Variants in MAGI2 observed in about 807,000 individuals in gnomAD.
MAGI2 encodes the protein membrane-associated guanylate kinase, WW and PDZ domain-containing protein 2.
MAGI2 carries 35 observed loss-of-function variants against 133.3 expected under a neutral mutation model. That is an observed-to-expected ratio of 0.26 (90% CI 0.20 to 0.35). MAGI2 has a LOEUF of 0.35. MAGI2 is among the 10% of genes least tolerant of loss of function. The probability of loss-of-function intolerance (pLI) is 1.00; values close to 1 mark genes in which losing one functional copy is unlikely to be tolerated. For synonymous variants in MAGI2, 729 were observed against 710.6 expected (o/e 1.03, Z -0.41); for missense variants, 1,636 against 1,863.4 (o/e 0.88, Z 2.25).
intron 1 of MAGI2, among the ~76,000 whole-genome samples, chr7:79,363,074 A>G (rs1842462774): frequency 6.6e-6 from 1 of 151,706 alleles, no homozygotes; most frequent in South Asian, 2.1e-4. Flanking sequence ...AAAAACTCCA[A>G]GAACTGGTAC....
rs138271732 is a variant in MAGI2, at chr7:79,285,789, A to G, written c.301+167231T>C. Among the ~76,000 whole-genome samples the G allele has an allele frequency of 7.2e-4, 110 of 152,230 alleles. 2 individuals are homozygous for G. The East Asian group carries it at 0.02, about 28-fold the overall frequency. On this transcript the variant is annotated intron_variant, in intron 1 of 21. Coordinates refer to ENST00000354212, the MANE Select transcript of MAGI2 (RefSeq NM_012301.4). ...CTCTGAAAACTACTCTCTCCCAAAG[A>G]GAGGTTGTCTTTTGAGGTAGTTCTT...
chr7:78,570,093 ACCCAC>A (rs1801352888), intron 3 of MAGI2, among the ~76,000 whole-genome samples: 1 of 152,152 alleles, frequency 6.6e-6, no homozygotes, highest in Non-Finnish European at 1.5e-5. Context: ...GAGTTGCTAT[ACCCAC>A]TCTTGTACAC....
At chr7:78,392,823 A>G (rs1796017142) in intron 6 of MAGI2, among the ~76,000 whole-genome samples, 2 of 151,974 alleles carry the variant, frequency 1.3e-5, no homozygotes, top group African/African-American at 4.8e-5. Context: ...TTGTATTTTT[A>G]GTAGAGATGG....
chr7:78,952,454 C>A (rs571510676), intron 2 of MAGI2, among the ~76,000 whole-genome samples: 8 of 152,168 alleles, frequency 5.3e-5, no homozygotes, highest in African/African-American at 1.9e-4. Context: ...TTCATTAATT[C>A]ATTAATTCAT....
At chr7:79,045,841 G>A (rs1812127543) in intron 1 of MAGI2, among the ~76,000 whole-genome samples, 1 of 152,098 alleles carries the variant, frequency 6.6e-6, no homozygotes, top group African/African-American at 2.4e-5. Context: ...CAATGAAAGG[G>A]TAGCACAAGG....
chr7:78,332,795 A>T (rs1369141895), intron 9 of MAGI2, among the ~76,000 whole-genome samples: 3 of 152,068 alleles, frequency 2.0e-5, no homozygotes, highest in Non-Finnish European at 4.4e-5. Context: ...TCTGAGAGAT[A>T]CATTACTAGC....
chr7:78,649,070 T>C (rs1584958808), intron 2 of MAGI2, among the ~76,000 whole-genome samples: 1 of 151,888 alleles, frequency 6.6e-6, no homozygotes, highest in Admixed American at 6.6e-5. Flanking sequence ...AGCCGCAGCA[T>C]TCTGACTGGT....
At chr7:79,439,179 T>G (rs1848336946) in intron 1 of MAGI2, among the ~76,000 whole-genome samples, 1 of 152,118 alleles carries the variant, frequency 6.6e-6, no homozygotes, top group Non-Finnish European at 1.5e-5. Flanking sequence ...CTTGAATTCC[T>G]ACTCAAGCTT....
chr7:78,627,018 A>C (rs1808437373), intron 3 of MAGI2, 102 bp downstream of exon 3: 1 of 1,256,938 alleles, frequency 8.0e-7, no homozygotes, highest in Admixed American at 3.0e-5. Context: ...AAGCTCTCAA[A>C]CCCAAAACAG....
Position 79,309,981 on chromosome 7 carries a change from A to G in MAGI2, c.301+143039T>C, listed in dbSNP as rs1194244195. On this transcript the variant is annotated intron_variant, in intron 1 of 21. Coordinates refer to ENST00000354212, the MANE Select transcript of MAGI2 (RefSeq NM_012301.4). The stretch of plus-strand genomic sequence containing the variant: ...CCTTGTTTTTCCTAAAAAAAAAAAA[A>G]AAGAAAAGAAAAGAAAGAAAGAATG... Among the ~76,000 whole-genome samples, 6 of 148,926 alleles carry G rather than the reference A, an allele frequency of 4.0e-5. No individual in the cohort carries two copies. The East Asian group carries it at 1.2e-3, about 29-fold the overall frequency.
At chr7:78,670,567 A>G (rs1054368346) in intron 2 of MAGI2, among the ~76,000 whole-genome samples, 1 of 152,170 alleles carries the variant, frequency 6.6e-6, no homozygotes, top group Non-Finnish European at 1.5e-5. Context: ...ATTGGAAAAC[A>G]TTACTTTAAA....
At chr7:78,058,650 AAGTGCTGGGATTAC>A (rs1173905462) in intron 21 of MAGI2, among the ~76,000 whole-genome samples, 2 of 152,030 alleles carry the variant, frequency 1.3e-5, no homozygotes, top group Non-Finnish European at 2.9e-5. Context: ...TGTAATCCCA[AAGTGCTGGGATTAC>A]AGGCGTGAGC....
intron 1 of MAGI2, among the ~76,000 whole-genome samples, chr7:79,320,081 T>C (rs1839052592): frequency 6.6e-6 from 1 of 152,142 alleles, no homozygotes. Context: ...TTCCTGGTGC[T>C]GACTGTTACA....
intron 11 of MAGI2, among the ~76,000 whole-genome samples, chr7:78,198,143 C>T (rs1314342750): frequency 6.6e-6 from 1 of 152,160 alleles, no homozygotes; most frequent in African/African-American, 2.4e-5. Context: ...TTGTTACCTG[C>T]CAGGTGTTTA....
chr7:79,044,472 A>G (rs1308744885), intron 1 of MAGI2, among the ~76,000 whole-genome samples: 3 of 152,198 alleles, frequency 2.0e-5, no homozygotes, highest in Admixed American at 2.0e-4. Context: ...CACAGCCAAC[A>G]TCATATTGAA....
At chr7:78,802,105 T>C (rs1341853037) in intron 2 of MAGI2, among the ~76,000 whole-genome samples, 2 of 152,224 alleles carry the variant, frequency 1.3e-5, no homozygotes, top group African/African-American at 2.4e-5. Flanking sequence ...TCTGGAACGC[T>C]CTTTTCTGTA....
chr7:79,345,675 T>A (rs1340716571), intron 1 of MAGI2, among the ~76,000 whole-genome samples: 3 of 152,110 alleles, frequency 2.0e-5, no homozygotes, highest in Admixed American at 1.3e-4. Flanking sequence ...CTAAGAATTA[T>A]GAAGAAGAAA....
intron 13 of MAGI2, among the ~76,000 whole-genome samples, chr7:78,183,268 A>AT (rs35853118): frequency 0.28 from 38,662 of 137,402 alleles, 6,557 homozygotes; most frequent in Non-Finnish European, 0.38. Flanking sequence ...GTATTTTTGT[A>AT]TTTTTTTTTT....
chr7:78,905,039 T>C (rs541656286), intron 2 of MAGI2, among the ~76,000 whole-genome samples: 1 of 152,340 alleles, frequency 6.6e-6, no homozygotes, highest in South Asian at 2.1e-4. Flanking sequence ...CTTTTCTGTA[T>C]GCTCTACCTT....
Sources: allele counts gnomAD v4.1 joint callset (sites outside exome capture counted in the v4.1 genomes callset), GRCh38; gene constraint gnomAD v4.1.1; transcripts MANE v1.5; gene names NCBI Gene and HGNC (gene_info 2026-07-23, HGNC 2026-07-21).